The following CAMK2D variants were observed in gnomAD, a reference collection of about 807,000 sequenced individuals.
The protein encoded by CAMK2D is calcium/calmodulin dependent protein kinase II delta.
A neutral mutation model predicts 84.0 loss-of-function variants in CAMK2D; 37 were observed. That is an observed-to-expected ratio of 0.44 (90% CI 0.34 to 0.58). CAMK2D has a LOEUF of 0.58. Among genes scored for constraint, CAMK2D ranks in the 20% least tolerant of loss-of-function variants. The probability of loss-of-function intolerance (pLI) is 0.02; values close to 1 mark genes in which losing one functional copy is unlikely to be tolerated. For missense variants in CAMK2D, 448 were observed against 652.5 expected, an observed-to-expected ratio of 0.69 and a Z score of 3.41; for synonymous variants, 202 against 212.5, an observed-to-expected ratio of 0.95 and a Z score of 0.43.
chr4:113,660,628 C>T (rs1279669346), intron 3 of CAMK2D, among the ~76,000 whole-genome samples: 1 of 151,930 alleles, frequency 6.6e-6, no homozygotes, highest in South Asian at 2.1e-4. Flanking sequence ...TAGGTTCAAG[C>T]GATCCTTCTG....
At chr4:113,538,934 G>A (rs993819824) in intron 6 of CAMK2D, among the ~76,000 whole-genome samples, 2 of 152,096 alleles carry the variant, frequency 1.3e-5, no homozygotes, top group Admixed American at 6.6e-5. Flanking sequence ...AATTTTGTGG[G>A]GCTGATAGGG....
intron 4 of CAMK2D, among the ~76,000 whole-genome samples, chr4:113,570,682 A>T (rs943708357): frequency 6.6e-6 from 1 of 152,220 alleles, no homozygotes. Context: ...GTAAGATTTA[A>T]AACTGTAAAA....
chr4:113,672,812 C>T (rs1340703966), intron 2 of CAMK2D, among the ~76,000 whole-genome samples: 1 of 151,568 alleles, frequency 6.6e-6, no homozygotes, highest in Admixed American at 6.6e-5. Flanking sequence ...TTAATGCAGC[C>T]ACCTAAATGA....
chr4:113,514,315 A>G (rs368570104), intron 10 of CAMK2D, among the ~76,000 whole-genome samples: 1 of 152,306 alleles, frequency 6.6e-6, no homozygotes, highest in African/African-American at 2.4e-5. Flanking sequence ...CGGGAGGCTG[A>G]GACAGGAGAA....
At chr4:113,559,004 C>T (rs953726925) in intron 4 of CAMK2D, among the ~76,000 whole-genome samples, 4 of 151,738 alleles carry the variant, frequency 2.6e-5, no homozygotes, top group East Asian at 3.9e-4. Context: ...ATACTAAAAT[C>T]GAATATTAAT....
At chr4:113,596,411 G>A (rs2154255487) in intron 4 of CAMK2D, among the ~76,000 whole-genome samples, 1 of 152,220 alleles carries the variant, frequency 6.6e-6, no homozygotes, top group East Asian at 1.9e-4. Context: ...CATCTAGAAT[G>A]GTAAATCCTT....
intron 2 of CAMK2D, among the ~76,000 whole-genome samples, chr4:113,715,710 C>T (rs2099511405): frequency 1.3e-5 from 2 of 152,090 alleles, no homozygotes; most frequent in South Asian, 4.1e-4. Context: ...TCTGAGATAT[C>T]CTACAGTGAA....
intron 3 of CAMK2D, among the ~76,000 whole-genome samples, chr4:113,610,232 G>A (rs1053182446): frequency 6.6e-6 from 1 of 152,042 alleles, no homozygotes. Flanking sequence ...GGTAGCCCCA[G>A]TGAATTCTTC....
At chr4:113,455,672 C>A in intron 20 of CAMK2D, 54 bp downstream of exon 20, 2 of 962,520 alleles carry the variant, frequency 2.1e-6, no homozygotes, top group Non-Finnish European at 3.3e-6. Flanking sequence ...AACAGCCATG[C>A]AGCTTTTCAT....
At chr4:113,714,005 C>T (rs2099504199) in intron 2 of CAMK2D, among the ~76,000 whole-genome samples, 1 of 151,936 alleles carries the variant, frequency 6.6e-6, no homozygotes, top group African/African-American at 2.4e-5. Context: ...TTCATTACCA[C>T]TATATCATAC....
At chr4:113,748,207 A>T (rs916980770) in intron 2 of CAMK2D, among the ~76,000 whole-genome samples, 1 of 152,126 alleles carries the variant, frequency 6.6e-6, no homozygotes, top group African/African-American at 2.4e-5. Context: ...TTGACTTTAC[A>T]TCTGTTCACC....
chr4:113,648,089 T>C lies in CAMK2D; in HGVS notation c.220+13624A>G, dbSNP rs1421624685. ...AAGACTGTAGTTAAAATTTATAGTC[T>C]TCCTACTTTTCTAAGAGTATAAATT... On this transcript the variant is annotated intron_variant, in intron 3 of 20. Transcript: ENST00000511664. Among the ~76,000 whole-genome samples, 7 of 152,214 alleles carry C rather than the reference T, an allele frequency of 4.6e-5. No homozygotes were observed. In the East Asian group the frequency reaches 1.3e-3, roughly 29 times the overall value.
At chr4:113,476,395 C>A (rs79230716) in intron 16 of CAMK2D, among the ~76,000 whole-genome samples, 6 of 152,112 alleles carry the variant, frequency 3.9e-5, no homozygotes, top group Non-Finnish European at 7.3e-5. Flanking sequence ...ATTACGACAA[C>A]GAGATAAATG....
At position 113,454,513 on chromosome 4, in the gene CAMK2D, T is replaced by C. The variant is rs755997769; in HGVS notation, c.*32A>G. ...ATGCAGAAGTGGCACTGTTGAAATT[T>C]AGCTGAAAGGAGAAAGGGGGAGGAA... is the stretch of plus-strand genomic sequence containing the variant. On this transcript the variant is annotated splice_region_variant and 3_prime_UTR_variant, in exon 21 of 21. Coordinates refer to ENST00000511664, the MANE Select transcript of CAMK2D (RefSeq NM_001321571.2). 1 of 779,074 alleles carries C rather than the reference T, an allele frequency of 1.3e-6. No individual in the cohort carries two copies. The highest frequency in any genetic ancestry group is 2.4e-6 in the Non-Finnish European group (1 of 416,832). 48.3% of individuals were successfully genotyped at this position (779,074 alleles called of 1,614,324 possible). A position where few individuals can be genotyped will look rare whatever the true frequency, so the allele number is the denominator to read the frequency against.
chr4:113,594,117 A>C (rs1437761482), intron 4 of CAMK2D, among the ~76,000 whole-genome samples: 1 of 152,194 alleles, frequency 6.6e-6, no homozygotes. Flanking sequence ...TCACATGCTG[A>C]AAGCAGGAAC....
intron 16 of CAMK2D, among the ~76,000 whole-genome samples, chr4:113,500,005 G>A (rs1364027657): frequency 6.9e-6 from 1 of 144,076 alleles, no homozygotes; most frequent in Non-Finnish European, 1.5e-5. Context: ...ATAAAAAGGC[G>A]GCCAAATAGA....
intron 2 of CAMK2D, among the ~76,000 whole-genome samples, chr4:113,670,945 C>T (rs569386296): frequency 1.3e-5 from 2 of 151,856 alleles, no homozygotes; most frequent in African/African-American, 2.4e-5. Context: ...AAAAGATAAA[C>T]ACAATCCACC....
intron 7 of CAMK2D, 115 bp from the exon 8 acceptor site, chr4:113,531,414 CACA>C: frequency 3.0e-6 from 2 of 673,782 alleles, no homozygotes; most frequent in South Asian, 1.7e-5. Flanking sequence ...TTTTTCAAAA[CACA>C]ACAAGGTTCT....
rs377087621 is a variant in CAMK2D at position 113,573,346 on chromosome 4, T to C, written c.276-21250A>G. On this transcript the variant is annotated intron_variant, in intron 4 of 20. Transcript: ENST00000511664. ...TTGAGGTAATCTTTTAAAAATTAAC[T>C]TATTCAGAAGCTACAATTATGTTTT... Among the ~76,000 whole-genome samples, 3 of 152,224 alleles carry C rather than the reference T, an allele frequency of 2.0e-5. No individual in the cohort carries two copies. The East Asian group carries it at 5.8e-4, about 29-fold the overall frequency.
Sources: gnomAD v4.1 joint callset for allele counts (sites outside exome capture counted in the v4.1 genomes callset) on GRCh38, gnomAD v4.1.1 for gene constraint, MANE v1.5 for transcripts, NCBI Gene and HGNC (gene_info 2026-07-23, HGNC 2026-07-21) for gene names.